SAP18: variants seen among roughly 807,000 people sequenced by gnomAD.
SAP18 encodes the protein histone deacetylase complex subunit SAP18.
A neutral mutation model predicts 18.6 loss-of-function variants in SAP18; 4 were observed. The ratio of observed to expected loss-of-function variants is 0.21; its 90% CI spans 0.11 to 0.49. SAP18 has a LOEUF of 0.49. Ranked by LOEUF, SAP18 falls within the 20% of genes least tolerant of loss-of-function variation. SAP18 has a pLI of 0.98. For missense variants in SAP18, 170 were observed against 226.4 expected, an observed-to-expected ratio of 0.75 and a Z score of 1.60; for synonymous variants, 112 against 82.8, an observed-to-expected ratio of 1.35 and a Z score of -1.92.
At chr13:21,143,980 G>A (rs1284249155) in intron 2 of SAP18, among the ~76,000 whole-genome samples, 1 of 152,208 alleles carries the variant, frequency 6.6e-6, no homozygotes, top group East Asian at 1.9e-4. Context: ...AGACTGTGGG[G>A]TTAAATAGGC....
chr13:21,140,381 A>G (rs1869398742), upstream of SAP18: 3 of 644,500 alleles, frequency 4.7e-6, no homozygotes, highest in Non-Finnish European at 7.9e-6. Context: ...ACGGACGCTA[A>G]GCACCTCCTC....
upstream of SAP18, among the ~76,000 whole-genome samples, chr13:21,140,151 C>T (rs886987188): frequency 6.6e-6 from 1 of 152,200 alleles, no homozygotes; most frequent in African/African-American, 2.4e-5. Context: ...CTGGAAGGAT[C>T]GCTCCATGAC....
chr13:21,145,299 T>C (rs746809339), intron 2 of SAP18, among the ~76,000 whole-genome samples: 2 of 152,172 alleles, frequency 1.3e-5, no homozygotes, highest in Non-Finnish European at 2.9e-5. Flanking sequence ...GTTTGAAACA[T>C]AAATGAGTTT....
chr13:21,144,761 G>A (rs1312739431), intron 2 of SAP18, among the ~76,000 whole-genome samples: 4 of 152,106 alleles, frequency 2.6e-5, no homozygotes, highest in Non-Finnish European at 4.4e-5. Flanking sequence ...AGCAACACTT[G>A]GCACTCCAAT....
exon 3 of SAP18, chr13:21,146,908 G>A: frequency 6.2e-7 from 1 of 1,611,244 alleles, no homozygotes. Context: ...TTTTACAGAT[G>A]TTAAAAGACC....
At position 21,140,568 on chromosome 13, in the gene SAP18, G is replaced by A. The variant is rs772607672; in HGVS notation, c.16G>A (p.Val6Ile). The A allele has an allele frequency of 2.9e-5, 47 of 1,600,456 alleles. No homozygotes were observed. Among genetic ancestry groups the A allele is most frequent in the Non-Finnish European group, 3.7e-5 (44 of 1,173,878 alleles). ...CTTAGTGCTCATGCTCGCTGCAGGG[G>A]TCGGAGGTCAGGGCGAGCGTCTCGC... The change falls in exon 1 of 4, where the codon GTC becomes ATC. Residue 6 changes from valine to isoleucine, a missense_variant. Val to Ile is a conservative substitution (Grantham distance 29, BLOSUM62 3). Transcript: ENST00000621421.
intron 2 of SAP18, among the ~76,000 whole-genome samples, chr13:21,144,149 G>T (rs1013332724): frequency 6.6e-6 from 1 of 152,188 alleles, no homozygotes; most frequent in Non-Finnish European, 1.5e-5. Context: ...GCTCACGCCT[G>T]TAATCCCAGC....
chr13:21,142,695 C>G (rs370204655), intron 2 of SAP18, among the ~76,000 whole-genome samples: 1 of 152,104 alleles, frequency 6.6e-6, no homozygotes, highest in Non-Finnish European at 1.5e-5. Context: ...ACCACTGTTT[C>G]TACAAGTTTT....
At chr13:21,144,204 A>G (rs930453794) in intron 2 of SAP18, among the ~76,000 whole-genome samples, 5 of 152,092 alleles carry the variant, frequency 3.3e-5, no homozygotes, top group African/African-American at 1.2e-4. Flanking sequence ...CAGGAGTTGG[A>G]GACCAGCCTG....
chr13:21,141,284 TAAA>T, intron 2 of SAP18: 2 of 461,758 alleles, frequency 4.3e-6, no homozygotes, highest in South Asian at 4.4e-5. Flanking sequence ...GATAGGTAGA[TAAA>T]TATGTTGTAG....
At chr13:21,142,023 A>ATGCC (rs1869486345) in intron 2 of SAP18, among the ~76,000 whole-genome samples, 2 of 149,152 alleles carry the variant, frequency 1.3e-5, no homozygotes, top group African/African-American at 4.9e-5. Flanking sequence ...ACGGTGGCTT[A>ATGCC]TGCCTGTAAT....
intron 2 of SAP18, among the ~76,000 whole-genome samples, chr13:21,144,213 T>C (rs999962421): frequency 3.3e-5 from 5 of 152,070 alleles, no homozygotes; most frequent in African/African-American, 1.2e-4. Flanking sequence ...GAGACCAGCC[T>C]GGCCAACATG....
At chr13:21,148,905 A>AT (rs1431436478) in exon 4 of SAP18, 4 of 152,312 alleles carry the variant, frequency 2.6e-5, no homozygotes, top group Admixed American at 2.6e-4. Context: ...TCCTTTAAAG[A>AT]TTTCAATATC....
At chr13:21,140,894 A>G (rs764700763) in exon 2 of SAP18, 1 of 1,613,228 alleles carries the variant, frequency 6.2e-7, no homozygotes, top group South Asian at 1.1e-5. Flanking sequence ...AGACATGCCC[A>G]CTGTTGCTAC....
Position 21,146,779 on chromosome 13 carries a change from A to G in SAP18, c.240-26A>G, listed in dbSNP as rs751196296. 1.9e-5 allele frequency: 30 copies of G among 1,555,462 alleles called. No individual in the cohort carries two copies. In the South Asian group the frequency reaches 2.9e-4, roughly 15 times the overall value. On this transcript the variant is annotated intron_variant, in intron 2 of 3. Transcript: ENST00000621421. ...TTATTGCTGATTAATAAGCAAATGT[A>G]AATGTCTTTTTTAAAAAAAATCCAG...
At chr13:21,140,807 C>G (rs1225551976) in intron 1 of SAP18, 79 bp from the exon 2 acceptor site, 1 of 1,570,176 alleles carries the variant, frequency 6.4e-7, no homozygotes, top group South Asian at 1.1e-5. Flanking sequence ...GAGGCCGCAA[C>G]GCCTCGGGAA....
chr13:21,145,732 C>T lies in SAP18; in HGVS notation c.240-1073C>T, dbSNP rs1010551275. Among the ~76,000 whole-genome samples, 9 of 152,310 alleles carry T rather than the reference C, an allele frequency of 5.9e-5. No homozygotes were observed. In the East Asian group the frequency reaches 7.7e-4, roughly 13 times the overall value. ...TTCACCATGTTGGCCAGGCTGCTCT[C>T]GAACTTGAGCTCCTGGCCTCAGGTG... On this transcript the variant is annotated intron_variant, in intron 2 of 3. Transcript: ENST00000621421.
chr13:21,143,027 G>A (rs1840039152), intron 2 of SAP18, among the ~76,000 whole-genome samples: 1 of 152,180 alleles, frequency 6.6e-6, no homozygotes, highest in African/African-American at 2.4e-5. Context: ...ATTTCATGGT[G>A]TTTTTAGGGT....
exon 4 of SAP18, chr13:21,147,431 C>G (rs1869687780): frequency 1.7e-6 from 2 of 1,184,692 alleles, no homozygotes; most frequent in South Asian, 3.0e-5. Context: ...TGCCATTAAG[C>G]CTTTAAATTC....
Sources: allele counts gnomAD v4.1 joint callset (sites outside exome capture counted in the v4.1 genomes callset), GRCh38; gene constraint gnomAD v4.1.1; transcripts MANE v1.5; gene names NCBI Gene and HGNC (gene_info 2026-07-23, HGNC 2026-07-21).